Variants in ITPR2 observed in about 807,000 individuals in gnomAD.
ITPR2 encodes the protein inositol 1,4,5-trisphosphate receptor type 2.
Under a neutral mutation model 317.1 loss-of-function variants are expected in ITPR2, and 207 were observed. That is an observed-to-expected ratio of 0.65 (90% confidence interval 0.58 to 0.73). ITPR2 has a LOEUF of 0.73. Ranked by LOEUF, ITPR2 falls within the 30% of genes least tolerant of loss-of-function variation. The pLI, the probability that ITPR2 is intolerant of heterozygous loss-of-function variation, is 0.00. For synonymous variants in ITPR2, 1,156 were observed against 1,149.1 expected (o/e 1.01, Z -0.12); for missense variants, 2,613 against 3,284.0 (o/e 0.80, Z 4.99).
At chr12:26,707,740 G>C (rs1040930382) in intron 9 of ITPR2, among the ~76,000 whole-genome samples, 2 of 152,042 alleles carry the variant, frequency 1.3e-5, no homozygotes, top group Admixed American at 6.6e-5. Flanking sequence ...ATGTTGGCCA[G>C]GCTAGTCTTG....
intron 37 of ITPR2, among the ~76,000 whole-genome samples, chr12:26,512,644 C>T (rs1458161892): frequency 1.3e-5 from 2 of 152,130 alleles, no homozygotes; most frequent in Non-Finnish European, 1.5e-5. Flanking sequence ...TCATGTCTCC[C>T]AAAAATGTAG....
intron 37 of ITPR2, among the ~76,000 whole-genome samples, chr12:26,544,969 T>C (rs955380032): frequency 6.6e-6 from 1 of 152,162 alleles, no homozygotes; most frequent in Non-Finnish European, 1.5e-5. Flanking sequence ...GGTAGCAAAA[T>C]ATTCTAAAAT....
chr12:26,730,550 G>T (rs1280851380), intron 2 of ITPR2, among the ~76,000 whole-genome samples: 1 of 152,126 alleles, frequency 6.6e-6, no homozygotes, highest in Non-Finnish European at 1.5e-5. Context: ...AGTTATTTTT[G>T]TTTAATTTTT....
chr12:26,506,894 T>C (rs2071801256), intron 37 of ITPR2, among the ~76,000 whole-genome samples: 2 of 152,260 alleles, frequency 1.3e-5, no homozygotes, highest in Admixed American at 1.3e-4. Context: ...TTTGAAGAGA[T>C]ACAAATTCAC....
intron 50 of ITPR2, among the ~76,000 whole-genome samples, chr12:26,416,658 A>T (rs1940730364): frequency 3.3e-5 from 5 of 152,174 alleles, no homozygotes; most frequent in Admixed American, 3.3e-4. Flanking sequence ...TAAATTTTTT[A>T]AAAGTCTATT....
chr12:26,451,774 C>G (rs543337572), intron 45 of ITPR2, among the ~76,000 whole-genome samples: 3 of 152,126 alleles, frequency 2.0e-5, no homozygotes, highest in African/African-American at 7.2e-5. Context: ...ACAAATGATT[C>G]ATGACAGCTC....
chr12:26,706,808 T>G (rs1466832794), intron 9 of ITPR2, among the ~76,000 whole-genome samples: 1 of 152,110 alleles, frequency 6.6e-6, no homozygotes, highest in African/African-American at 2.4e-5. Flanking sequence ...GTCAAACCCT[T>G]CATTCAAAAT....
intron 37 of ITPR2, among the ~76,000 whole-genome samples, chr12:26,517,584 TC>T (rs771300988): frequency 2.0e-5 from 3 of 152,212 alleles, no homozygotes; most frequent in Non-Finnish European, 2.9e-5. Context: ...ACACCTGTAA[TC>T]CTAGCACTTT....
intron 8 of ITPR2, 51 bp downstream of exon 8, chr12:26,715,248 C>T: frequency 6.8e-7 from 1 of 1,467,216 alleles, no homozygotes; most frequent in South Asian, 1.2e-5. Context: ...CCCAGTGAAT[C>T]TTCTCTTTTT....
At position 26,665,809 on chromosome 12, in the gene ITPR2, G is replaced by A. The variant is rs980609907; in HGVS notation, c.1551+101C>T. ...TCTTGTTTTCAGCCACTAAGTTTTG[G>A]GATCATTTGCTTCATAGTAATAGAT... is the stretch of plus-strand genomic sequence containing the variant. On this transcript the variant is annotated intron_variant, in intron 14 of 56. Transcript: ENST00000381340. 2.8e-5 allele frequency: 29 copies of A among 1,033,774 alleles called. No homozygotes were observed. The Middle Eastern group carries it at 6.5e-4, about 23-fold the overall frequency. The allele number at this position is 1,033,774 out of a possible 1,614,324, so 64.0% of individuals were successfully genotyped here.
intron 48 of ITPR2, among the ~76,000 whole-genome samples, chr12:26,433,073 A>C (rs16930692): frequency 0.047 from 7,132 of 152,302 alleles, 240 homozygotes; most frequent in South Asian, 0.17. Flanking sequence ...CTAGCTATGC[A>C]GTGTGCAACA....
chr12:26,419,155 C>G lies in ITPR2; in HGVS notation c.7004G>C (p.Arg2335Pro). The G allele has an allele frequency of 6.2e-7, 1 of 1,613,674 alleles. No individual in the cohort carries two copies. Among genetic ancestry groups the G allele is most frequent in the East Asian group, 2.2e-5 (1 of 44,842 alleles). ...SFVGNRGTFT[R>P]GYRAVILDMA... ...ATCCAGGATGACTGCTCGGTACCCA[C>G]GGGTGAACGTGCCACGATTTCCAAC... The change falls in exon 50 of 57, where the codon CGT (arginine) becomes CCT (proline). Residue 2335 changes from arginine (R) to proline (P), a missense_variant. This residue lies in a region of ITPR2 where 78 missense variants were observed against 110.3 expected (regional missense o/e 0.71). Transcript: ENST00000381340.
intron 48 of ITPR2, among the ~76,000 whole-genome samples, chr12:26,432,764 T>C (rs1337446445): frequency 1.3e-5 from 2 of 152,146 alleles, no homozygotes; most frequent in Non-Finnish European, 1.5e-5. Context: ...TGTGTCACTG[T>C]CAATAATCTT....
chr12:26,732,511 A>G (rs965259688), intron 2 of ITPR2, among the ~76,000 whole-genome samples: 12 of 152,230 alleles, frequency 7.9e-5, no homozygotes, highest in Non-Finnish European at 1.5e-4. Context: ...GTTTACTACC[A>G]TGGAGCGCTT....
chr12:26,722,569 A>G lies in ITPR2; in HGVS notation c.367-14T>C. 6.3e-7 allele frequency: 1 copy of G among 1,591,690 alleles called. No individual in the cohort carries two copies. Among genetic ancestry groups the G allele is most frequent in the African/African-American group, 1.3e-5 (1 of 74,336 alleles). On this transcript the variant is annotated splice_polypyrimidine_tract_variant and intron_variant, in intron 4 of 56. Transcript: ENST00000381340. ...TATATGCAGTAGCTATAGGGAAAAG[A>G]CATAGATTACCACCTTTATTCTTTG...
chr12:26,733,337 A>C (rs1438859126), intron 2 of ITPR2, among the ~76,000 whole-genome samples: 3 of 149,622 alleles, frequency 2.0e-5, no homozygotes, highest in Non-Finnish European at 3.0e-5. Flanking sequence ...AAAGAAAAGA[A>C]AAGAAAAGAA....
chr12:26,631,865 C>A lies in ITPR2; in HGVS notation c.2934+1G>T. ...CACCTAGCTTCTGTTAGGCAACACA[C>A]CTGCAAAATCTCAATGATCTTCAGC... is the stretch of plus-strand genomic sequence containing the variant. On this transcript the variant is annotated splice_donor_variant, in intron 22 of 56. Coordinates refer to ENST00000381340, the MANE Select transcript of ITPR2 (RefSeq NM_002223.4). LOFTEE classifies it high-confidence loss of function. 6.2e-7 allele frequency: 1 copy of A among 1,613,498 alleles called. No individual in the cohort carries two copies. Among genetic ancestry groups the A allele is most frequent in the Non-Finnish European group, 8.5e-7 (1 of 1,179,732 alleles).
chr12:26,695,746 T>G (rs1309080882), intron 9 of ITPR2, 96 bp from the exon 10 acceptor site: 1 of 752,938 alleles, frequency 1.3e-6, no homozygotes, highest in Non-Finnish European at 2.3e-6. Flanking sequence ...TATCCTCAAC[T>G]AAGTTTAATA....
intron 23 of ITPR2, 28 bp from the exon 24 acceptor site, chr12:26,624,384 C>T (rs1366189869): frequency 6.6e-7 from 1 of 1,523,108 alleles, no homozygotes; most frequent in Non-Finnish European, 9.0e-7. Context: ...AAAATCTCTT[C>T]TTTATCCTAT....
Sources: gnomAD v4.1 joint callset for allele counts (sites outside exome capture counted in the v4.1 genomes callset) on GRCh38, gnomAD v4.1.1 for gene constraint, gnomAD v4.1.1 regional missense constraint, MANE v1.5 for transcripts, NCBI Gene and HGNC (gene_info 2026-07-23, HGNC 2026-07-21) for gene names.